MRC1: variants seen among roughly 807,000 people sequenced by gnomAD.
MRC1 encodes macrophage mannose receptor 1.
MRC1 carries 62 observed loss-of-function variants against 102.9 expected under a neutral mutation model. The ratio of observed to expected loss-of-function variants is 0.60; its 90% CI spans 0.49 to 0.74. The LOEUF (loss-of-function observed/expected upper bound fraction) is 0.74. Among genes scored for constraint, MRC1 ranks in the 30% least tolerant of loss-of-function variants. The probability of loss-of-function intolerance (pLI) is 0.00; values close to 1 mark genes in which losing one functional copy is unlikely to be tolerated. For synonymous variants in MRC1, 457 were observed against 298.4 expected (o/e 1.53, Z -5.48); for missense variants, 1,237 against 862.8 (o/e 1.43, Z -5.43).
At chr10:17,845,482 A>G in intron 6 of MRC1, 47 bp downstream of exon 6, 1 of 779,864 alleles carries the variant, frequency 1.3e-6, no homozygotes. Flanking sequence ...TAGAATTGAA[A>G]GATAAGTAAC....
In MRC1 at chr10:17,853,115, G is replaced by A; in HGVS notation, c.1398G>A (p.Met466Ile). Residue 466 changes from methionine (M) to isoleucine (I), a missense_variant, in exon 8 of 30, where the codon ATG (methionine) becomes ATA (isoleucine). Met to Ile is a conservative substitution (Grantham distance 10, BLOSUM62 1). Transcript: ENST00000569591. ...ENNRQEDCVV[M>I]KGKDGYWADR... ...ACAGACAGGAGGATTGTGTGGTGAT[G>A]AAAGGCAAGGTAAGGCCACTTGAAT... 1 of 780,848 alleles carries A rather than the reference G, an allele frequency of 1.3e-6. No homozygotes were observed. The highest frequency in any genetic ancestry group is 1.3e-5 in the South Asian group (1 of 74,616). The allele number at this position is 780,848 out of a possible 1,614,324, so 48.4% of individuals were successfully genotyped here.
chr10:17,869,504 A>G (rs1397098602), intron 12 of MRC1, among the ~76,000 whole-genome samples: 5 of 152,136 alleles, frequency 3.3e-5, no homozygotes, highest in Non-Finnish European at 7.3e-5. Flanking sequence ...AGAAAAGTCA[A>G]TGGCCACGAT....
chr10:17,863,328 A>G (rs1162386463), intron 10 of MRC1, among the ~76,000 whole-genome samples: 4 of 152,206 alleles, frequency 2.6e-5, no homozygotes, highest in African/African-American at 4.8e-5. Flanking sequence ...ATACTCAGCT[A>G]TATGGTATTT....
intron 25 of MRC1, 86 bp downstream of exon 25, chr10:17,901,039 A>G (rs1833822713): frequency 1.4e-6 from 1 of 725,574 alleles, no homozygotes; most frequent in Non-Finnish European, 2.5e-6. Context: ...TTAAACAGTA[A>G]TGTGTCTTGG....
chr10:17,856,398 T>G (rs1476885381), intron 9 of MRC1, 46 bp downstream of exon 9: 1 of 813,220 alleles, frequency 1.2e-6, no homozygotes, highest in Admixed American at 2.0e-5. Flanking sequence ...CACGTATGAG[T>G]TGATACCGTT....
chr10:17,858,607 C>G (rs982564224), intron 9 of MRC1, among the ~76,000 whole-genome samples: 57 of 152,300 alleles, frequency 3.7e-4, no homozygotes, highest in Middle Eastern at 3.4e-3. Context: ...TCTGCTTCAG[C>G]CTCCTGAGTA....
chr10:17,847,559 C>T (rs1589175804), intron 6 of MRC1, among the ~76,000 whole-genome samples: 1 of 152,216 alleles, frequency 6.6e-6, no homozygotes, highest in Admixed American at 6.5e-5. Context: ...GGATTAGCAA[C>T]AGCCTTAGGC....
chr10:17,834,607 T>C (rs2130614831), intron 4 of MRC1, among the ~76,000 whole-genome samples: 1 of 152,142 alleles, frequency 6.6e-6, no homozygotes, highest in East Asian at 1.9e-4. Context: ...AGAGACGGGG[T>C]TTCACTAGGT....
chr10:17,849,466 A>T (rs1195875120), intron 6 of MRC1, 113 bp from the exon 7 acceptor site: 39 of 642,380 alleles, frequency 6.1e-5, no homozygotes, highest in Non-Finnish European at 6.2e-5. Context: ...TGTTACCTTT[A>T]TTTGCCTAGT....
chr10:17,869,972 A>G (rs1833331624), intron 12 of MRC1, among the ~76,000 whole-genome samples: 1 of 152,212 alleles, frequency 6.6e-6, no homozygotes, highest in Non-Finnish European at 1.5e-5. Flanking sequence ...TACATAACCC[A>G]TATGCCTAAA....
In MRC1 at chr10:17,900,776, T is replaced by C; in HGVS notation, c.3484-12T>C. On this transcript the variant is annotated splice_polypyrimidine_tract_variant and intron_variant, in intron 24 of 29. Transcript: ENST00000569591. ...CAAGGCTGCATGTTAATGCTTGTTTTTGTCGTTGCAGACTGATAATCAATA... is the reference window on the plus strand; with the variant it reads ...CAAGGCTGCATGTTAATGCTTGTTTCTGTCGTTGCAGACTGATAATCAATA... The C allele has an allele frequency of 1.3e-6, 1 of 780,850 alleles. No individual in the cohort carries two copies. The highest frequency in any genetic ancestry group is 2.4e-5 in the East Asian group (1 of 41,228). 48.4% of individuals were successfully genotyped at this position (780,850 alleles called of 1,614,324 possible).
At chr10:17,903,222 T>C (rs1833852169) in intron 26 of MRC1, among the ~76,000 whole-genome samples, 1 of 152,086 alleles carries the variant, frequency 6.6e-6, no homozygotes, top group African/African-American at 2.4e-5. Flanking sequence ...GTTTACTCCA[T>C]TTACACTTAA....
chr10:17,866,149 A>G (rs1437819544), intron 11 of MRC1, among the ~76,000 whole-genome samples: 5 of 152,104 alleles, frequency 3.3e-5, no homozygotes, highest in Non-Finnish European at 5.9e-5. Flanking sequence ...TCTAGTTGAG[A>G]CGTGTCTCAT....
At position 17,910,577 on chromosome 10, in the gene MRC1, C is replaced by A; in HGVS notation, c.*112C>A. 1.3e-6 allele frequency: 1 copy of A among 747,752 alleles called. No individual in the cohort carries two copies. Among genetic ancestry groups the A allele is most frequent in the South Asian group, 1.5e-5 (1 of 68,386 alleles). The allele number at this position is 747,752 out of a possible 1,614,324, so 46.3% of individuals were successfully genotyped here. On this transcript the variant is annotated 3_prime_UTR_variant, in exon 30 of 30. Coordinates refer to ENST00000569591, the MANE Select transcript of MRC1 (RefSeq NM_002438.4). Reference sequence around the variant, plus strand: ...AAAATGAGTACTGAATTGTACTGGTCTGTCCTTTTTTCCTTTGCCTAATTG... The same window carrying A: ...AAAATGAGTACTGAATTGTACTGGTATGTCCTTTTTTCCTTTGCCTAATTG...
rs1384387234 is a variant in MRC1 at position 17,823,221 on chromosome 10, C to T, written c.209C>T (p.Ala70Val). 2.6e-6 allele frequency: 2 copies of T among 780,714 alleles called. No individual in the cohort carries two copies. Among genetic ancestry groups the T allele is most frequent in the Non-Finnish European group, 4.8e-6 (2 of 417,976 alleles). 48.4% of individuals were successfully genotyped at this position (780,714 alleles called of 1,614,324 possible). The change falls in exon 2 of 30, where the codon GCA becomes GTA. Residue 70 changes from alanine to valine, a missense_variant. Transcript: ENST00000569591. ...TCCGAATCTCAGATTATGAGTGTTG[C>T]ATTTAAATTATGCCTGGGAGTGCCA... ...WVSESQIMSV[A>V]FKLCLGVPSK... is the part of the protein sequence containing the mutation.
At chr10:17,842,349 G>C (rs982226839) in intron 5 of MRC1, among the ~76,000 whole-genome samples, 6 of 152,306 alleles carry the variant, frequency 3.9e-5, no homozygotes, top group African/African-American at 1.2e-4. Context: ...GCTAAAACAC[G>C]AGAAAATTTT....
intron 4 of MRC1, among the ~76,000 whole-genome samples, chr10:17,836,301 T>C (rs571598766): frequency 2.0e-5 from 3 of 152,258 alleles, no homozygotes; most frequent in African/African-American, 4.8e-5. Flanking sequence ...GTCTTAGAGA[T>C]AGGGTTCTTC....
In MRC1 at chr10:17,885,281, A is replaced by G. The variant is rs572029780; in HGVS notation, c.2993A>G (p.Tyr998Cys). 9 of 780,872 alleles carry G rather than the reference A, an allele frequency of 1.2e-5. No homozygotes were observed. The highest frequency in any genetic ancestry group is 2.7e-5 in the South Asian group (2 of 74,620). The allele number at this position is 780,872 out of a possible 1,614,324, so 48.4% of individuals were successfully genotyped here. A position where few individuals can be genotyped will look rare whatever the true frequency, so the allele number is the denominator to read the frequency against. Reference sequence around the variant, plus strand: ...AATTTTCTTTCAGCATTTCTTACCTATCACATGAAGGACTCCACTTTCAGT... The same window carrying G: ...AATTTTCTTTCAGCATTTCTTACCTGTCACATGAAGGACTCCACTTTCAGT... ...QNEKEQAFLT[Y>C]HMKDSTFSAW... is the part of the protein sequence containing the mutation. The change falls in exon 22 of 30, where the codon TAT (tyrosine) becomes TGT (cysteine). Residue 998 changes from tyrosine to cysteine, a missense_variant. Tyr to Cys is a radical substitution (Grantham distance 194, BLOSUM62 -2). Coordinates refer to ENST00000569591, the MANE Select transcript of MRC1 (RefSeq NM_002438.4).
intron 5 of MRC1, 78 bp downstream of exon 5, chr10:17,840,884 C>G (rs1271483423): frequency 1.3e-6 from 1 of 778,950 alleles, no homozygotes; most frequent in Non-Finnish European, 2.4e-6. Flanking sequence ...ATTATCTCAC[C>G]TGTTGATCTC....
Sources: allele counts gnomAD v4.1 joint callset (sites outside exome capture counted in the v4.1 genomes callset), GRCh38; gene constraint gnomAD v4.1.1; transcripts MANE v1.5; gene names NCBI Gene and HGNC (gene_info 2026-07-23, HGNC 2026-07-21).